Variants in ZDHHC20 observed in about 807,000 individuals in gnomAD.
ZDHHC20 encodes palmitoyltransferase ZDHHC20.
ZDHHC20 carries 43 observed loss-of-function variants against 57.8 expected under a neutral mutation model. The ratio of observed to expected loss-of-function variants is 0.74; its 90% CI spans 0.58 to 0.96. The LOEUF (loss-of-function observed/expected upper bound fraction) is 0.96, where lower values mean the gene tolerates loss of function less well. Among genes scored for constraint, ZDHHC20 ranks in the 40% least tolerant of loss-of-function variants. ZDHHC20 has a pLI of 0.00. For synonymous variants in ZDHHC20, 157 were observed against 153.0 expected (o/e 1.03, Z -0.19); for missense variants, 391 against 441.1 (o/e 0.89, Z 1.02).
At chr13:21,388,913 T>C (rs894488174) in intron 8 of ZDHHC20, among the ~76,000 whole-genome samples, 4 of 152,058 alleles carry the variant, frequency 2.6e-5, no homozygotes, top group Admixed American at 1.3e-4. Flanking sequence ...TCATTTATCA[T>C]AGGATCTAGA....
intron 9 of ZDHHC20, among the ~76,000 whole-genome samples, chr13:21,384,909 C>G (rs1249256857): frequency 7.2e-5 from 11 of 151,848 alleles, no homozygotes; most frequent in Admixed American, 3.3e-4. Context: ...TGTCCACCAC[C>G]CAATCAAAAG....
At chr13:21,394,157 C>CT (rs780834912) in intron 7 of ZDHHC20, among the ~76,000 whole-genome samples, 11 of 152,210 alleles carry the variant, frequency 7.2e-5, no homozygotes, top group Non-Finnish European at 1.5e-4. Context: ...CCAAGGCCCT[C>CT]TGTCATTTTG....
chr13:21,373,916 A>G lies in ZDHHC20; in HGVS notation c.*2780T>C, dbSNP rs1871592217. 6.6e-6 allele frequency: 1 copy of G among 152,354 alleles called. No individual in the cohort carries two copies. Among genetic ancestry groups the G allele is most frequent in the East Asian group, 1.9e-4 (1 of 5,200 alleles). The allele number at this position is 152,354 out of a possible 1,614,324, so 9.4% of individuals were successfully genotyped here. A position where few individuals can be genotyped will look rare whatever the true frequency, so the allele number is the denominator to read the frequency against. ...CGTGGCAAAATGCTGGCTGTAAATT[A>G]AATCAAAGATAAGTAATTCAAAGGC... On this transcript the variant is annotated 3_prime_UTR_variant, in exon 13 of 13. Transcript: ENST00000400590.
intron 9 of ZDHHC20, 71 bp downstream of exon 9, chr13:21,387,437 G>GC: frequency 1.7e-6 from 2 of 1,207,244 alleles, no homozygotes; most frequent in Admixed American, 7.4e-5. Flanking sequence ...CTCTAAATCT[G>GC]AAGACATTTA....
chr13:21,398,847 T>A (rs1001336076), intron 7 of ZDHHC20, among the ~76,000 whole-genome samples: 2 of 152,214 alleles, frequency 1.3e-5, no homozygotes, highest in South Asian at 2.1e-4. Flanking sequence ...TCAGCCCATG[T>A]GAGCGCTAGG....
chr13:21,385,300 G>A (rs1294976090), intron 9 of ZDHHC20, among the ~76,000 whole-genome samples: 5 of 152,048 alleles, frequency 3.3e-5, no homozygotes, highest in Non-Finnish European at 2.9e-5. Context: ...GTGGTGTTAC[G>A]CACCGGTAAT....
intron 1 of ZDHHC20, among the ~76,000 whole-genome samples, chr13:21,454,583 C>G (rs1884750276): frequency 6.6e-6 from 1 of 151,616 alleles, no homozygotes; most frequent in Non-Finnish European, 1.5e-5. Context: ...AGAAAAAGAG[C>G]ATATTAAACC....
intron 11 of ZDHHC20, 40 bp downstream of exon 11, chr13:21,381,394 T>C: frequency 2.7e-6 from 4 of 1,461,282 alleles, no homozygotes; most frequent in Non-Finnish European, 3.8e-6. Flanking sequence ...TGCTTTTCAT[T>C]TGAACCAGAC....
intron 1 of ZDHHC20, among the ~76,000 whole-genome samples, chr13:21,437,376 G>A (rs1882661643): frequency 6.6e-6 from 1 of 152,204 alleles, no homozygotes. Context: ...TTTGGGTGGG[G>A]ACACAGAGCC....
At chr13:21,381,298 G>T (rs145768019) in intron 11 of ZDHHC20, 136 bp downstream of exon 11, 1 of 760,994 alleles carries the variant, frequency 1.3e-6, no homozygotes, top group Non-Finnish European at 2.1e-6. Context: ...GAGCCACCGC[G>T]CCCAGCATAT....
chr13:21,441,549 C>CTTTTTTTT (rs397851910), intron 1 of ZDHHC20, among the ~76,000 whole-genome samples: 4 of 65,342 alleles, frequency 6.1e-5, no homozygotes, highest in Non-Finnish European at 1.0e-4. Flanking sequence ...CCACGCCCGG[C>CTTTTTTTT]TTTTTTTTTT....
At chr13:21,380,114 C>CT (rs1046248335) in intron 11 of ZDHHC20, among the ~76,000 whole-genome samples, 1 of 149,090 alleles carries the variant, frequency 6.7e-6, no homozygotes, top group Non-Finnish European at 1.5e-5. Flanking sequence ...CGTGCCCAGC[C>CT]TTTTTTTCCT....
intron 3 of ZDHHC20, among the ~76,000 whole-genome samples, chr13:21,416,923 C>T (rs994174679): frequency 2.0e-5 from 3 of 152,216 alleles, no homozygotes; most frequent in African/African-American, 4.8e-5. Flanking sequence ...CTTTATCTTA[C>T]AGCTAACTGG....
At position 21,421,034 on chromosome 13, in the gene ZDHHC20, T is replaced by C. The variant is rs372244179; in HGVS notation, c.249+27A>G. 2.5e-5 allele frequency: 39 copies of C among 1,572,756 alleles called. No individual in the cohort carries two copies. The East Asian group carries it at 6.5e-4, about 26-fold the overall frequency. ...AAAATTCCATAATCAGTTAAAACATTTGGTAATTTACCAACATTAAATTTA... is the reference window on the plus strand; with the variant it reads ...AAAATTCCATAATCAGTTAAAACATCTGGTAATTTACCAACATTAAATTTA... On this transcript the variant is annotated intron_variant, in intron 3 of 12. Coordinates refer to ENST00000400590, the MANE Select transcript of ZDHHC20 (RefSeq NM_001330059.2).
Position 21,380,044 on chromosome 13 carries a change from T to C in ZDHHC20, c.1061-1306A>G, listed in dbSNP as rs567946137. ...GTTAGCCAGGATGGTCTCGATCTCG[T>C]GACCTCGTGATCCGCCTGCCTCGGC... is the stretch of plus-strand genomic sequence containing the variant. On this transcript the variant is annotated intron_variant, in intron 11 of 12. Coordinates refer to ENST00000400590, the MANE Select transcript of ZDHHC20 (RefSeq NM_001330059.2). 5.9e-5 allele frequency among the ~76,000 whole-genome samples: 9 copies of C among 151,884 alleles called. No homozygotes were observed. In the South Asian group the frequency reaches 1.5e-3, roughly 25 times the overall value.
In ZDHHC20 at chr13:21,381,497, G is replaced by A. The variant is rs1251132915; in HGVS notation, c.997C>T (p.Arg333Cys). Residue 333 changes from arginine to cysteine, a missense_variant, in exon 11 of 13, where the codon CGC becomes TGC. Around this residue, in one of 3 missense-constraint regions of ZDHHC20, gnomAD observed 197 missense variants for 220.8 expected, o/e 0.89. Transcript: ENST00000400590. ...PIKPLSESKNRLLDSESQWLE... is the reference protein window; with the variant it reads ...PIKPLSESKNCLLDSESQWLE... ...CACTGAGATTCACTGTCCAACAAGCGGTTTTTTGATTCACTAAGTGGTTTG... is the reference window on the plus strand; with the variant it reads ...CACTGAGATTCACTGTCCAACAAGCAGTTTTTTGATTCACTAAGTGGTTTG... 7.4e-6 allele frequency: 12 copies of A among 1,613,774 alleles called. No individual in the cohort carries two copies. Among genetic ancestry groups the A allele is most frequent in the Admixed American group, 1.7e-5 (1 of 60,008 alleles).
At position 21,383,383 on chromosome 13, in the gene ZDHHC20, C is replaced by T. The variant is rs190106573; in HGVS notation, c.855-374G>A. Among the ~76,000 whole-genome samples the T allele has an allele frequency of 3.1e-3, 473 of 152,292 alleles. 2 individuals are homozygous for T. The highest frequency in any genetic ancestry group is 0.01 in the African/African-American group (433 of 41,552). ...TCTTGTTGTCTGCCACCATATAAAA[C>T]GTGAGTTGCTTCTCCTTGCCTTCCA... On this transcript the variant is annotated intron_variant, in intron 9 of 12. Transcript: ENST00000400590.
At chr13:21,414,188 C>T (rs562439087) in intron 3 of ZDHHC20, among the ~76,000 whole-genome samples, 14 of 150,110 alleles carry the variant, frequency 9.3e-5, no homozygotes, top group South Asian at 4.2e-4. Context: ...CATGGGGTCC[C>T]GCTAATTTCT....
At chr13:21,456,262 T>C (rs1884919042) in intron 1 of ZDHHC20, among the ~76,000 whole-genome samples, 1 of 151,860 alleles carries the variant, frequency 6.6e-6, no homozygotes, top group Admixed American at 6.6e-5. Flanking sequence ...CAAAAAAAAT[T>C]AGCTGGGCAT....
Sources: allele counts gnomAD v4.1 joint callset (sites outside exome capture counted in the v4.1 genomes callset), GRCh38; gene constraint gnomAD v4.1.1; regional missense constraint gnomAD v4.1.1; transcripts MANE v1.5; gene names NCBI Gene and HGNC (gene_info 2026-07-23, HGNC 2026-07-21).